The following PLEKHA5 variants were observed in gnomAD, a reference collection of about 807,000 sequenced individuals.
PLEKHA5 encodes the protein pleckstrin homology domain containing A5, also known as pleckstrin homology domain-containing family A member 5.
In PLEKHA5, 55 loss-of-function variants were observed where a neutral mutation model predicts 181.9. That is an observed-to-expected ratio of 0.30 (90% CI 0.24 to 0.38). PLEKHA5 has a LOEUF of 0.38. Ranked by LOEUF, PLEKHA5 falls within the 10% of genes least tolerant of loss-of-function variation. PLEKHA5 has a pLI of 1.00. For synonymous variants in PLEKHA5, 535 were observed against 529.4 expected (o/e 1.01, Z -0.15); for missense variants, 1,432 against 1,549.5 (o/e 0.92, Z 1.27).
intron 11 of PLEKHA5, among the ~76,000 whole-genome samples, chr12:19,275,740 C>T (rs929511972): frequency 3.3e-5 from 5 of 151,726 alleles, no homozygotes; most frequent in African/African-American, 7.3e-5. Context: ...TGCACTCCAG[C>T]GTGGCAGCAC....
At chr12:19,173,001 CTTTCTTTTTT>C (rs2046295361) in intron 3 of PLEKHA5, among the ~76,000 whole-genome samples, 1 of 35,068 alleles carries the variant, frequency 2.9e-5, no homozygotes, top group African/African-American at 6.5e-5. Context: ...ACTGATTTCC[CTTTCTTTTTT>C]TTTTTTTTTT....
intron 3 of PLEKHA5, among the ~76,000 whole-genome samples, chr12:19,244,774 A>G (rs1175813908): frequency 2.0e-5 from 3 of 152,230 alleles, no homozygotes; most frequent in Non-Finnish European, 4.4e-5. Context: ...CGATATTACC[A>G]TGGTTACATA....
At chr12:19,330,783 T>A (rs1404904027) in intron 20 of PLEKHA5, among the ~76,000 whole-genome samples, 1 of 152,116 alleles carries the variant, frequency 6.6e-6, no homozygotes, top group Non-Finnish European at 1.5e-5. Flanking sequence ...AACATTTTAA[T>A]TTTTTTGCCT....
chr12:19,304,199 G>A (rs896944005), intron 15 of PLEKHA5, among the ~76,000 whole-genome samples: 3 of 151,920 alleles, frequency 2.0e-5, no homozygotes, highest in Non-Finnish European at 4.4e-5. Flanking sequence ...GAGGTCAGGC[G>A]TTCAAGACCA....
rs1421522518 is a variant in PLEKHA5, at chr12:19,332,077, G to A, written c.2449-4438G>A. Among the ~76,000 whole-genome samples, 4 of 152,058 alleles carry A rather than the reference G, an allele frequency of 2.6e-5. No homozygotes were observed. In the East Asian group the frequency reaches 5.8e-4, roughly 22 times the overall value. ...CTTTGGAAAGATTGCTTGAGCCCAG[G>A]AGTTCAAGACCAGCCTGAGCAACAT... On this transcript the variant is annotated intron_variant, in intron 20 of 31. Coordinates refer to ENST00000429027, the MANE Select transcript of PLEKHA5 (RefSeq NM_001256470.2).
At chr12:19,330,786 T>C (rs2092762911) in intron 20 of PLEKHA5, among the ~76,000 whole-genome samples, 1 of 152,162 alleles carries the variant, frequency 6.6e-6, no homozygotes, top group Non-Finnish European at 1.5e-5. Context: ...ATTTTAATTT[T>C]TTTGCCTGAT....
chr12:19,302,066 T>C (rs544097163), intron 15 of PLEKHA5, among the ~76,000 whole-genome samples: 15 of 152,336 alleles, frequency 9.8e-5, no homozygotes, highest in African/African-American at 3.6e-4. Flanking sequence ...CTTATTGATG[T>C]AGACACAGAA....
intron 14 of PLEKHA5, 79 bp from the exon 15 acceptor site, chr12:19,291,565 T>C (rs1341232348): frequency 1.2e-5 from 10 of 824,072 alleles, no homozygotes; most frequent in Middle Eastern, 4.5e-4. Flanking sequence ...TTACCTGTTT[T>C]TCTTATTCCA....
intron 6 of PLEKHA5, among the ~76,000 whole-genome samples, chr12:19,259,196 T>TA (rs1029191745): frequency 1.5e-3 from 229 of 148,878 alleles, no homozygotes; most frequent in Middle Eastern, 3.5e-3. Context: ...ATCTCTACTT[T>TA]AAAAAAAAAC....
chr12:19,326,415 C>T (rs986717834), intron 20 of PLEKHA5, among the ~76,000 whole-genome samples: 3 of 152,078 alleles, frequency 2.0e-5, no homozygotes, highest in African/African-American at 7.2e-5. Context: ...AGCACTAGTT[C>T]AAATCTAAGC....
At position 19,197,522 on chromosome 12, in the gene PLEKHA5, C is replaced by A. The variant is rs1206444483; in HGVS notation, c.228-56418C>A. 5.3e-5 allele frequency among the ~76,000 whole-genome samples: 8 copies of A among 152,228 alleles called. No individual in the cohort carries two copies. In the East Asian group the frequency reaches 1.4e-3, roughly 26 times the overall value. On this transcript the variant is annotated intron_variant, in intron 3 of 31. Transcript: ENST00000429027. Reference sequence around the variant, plus strand: ...TCTGCTTTTTCTTTCATAGCACTTACCACTTTCTAATGTACTACATCGTTT... The same window carrying A: ...TCTGCTTTTTCTTTCATAGCACTTAACACTTTCTAATGTACTACATCGTTT...
chr12:19,189,738 G>C (rs1298329011), intron 3 of PLEKHA5, among the ~76,000 whole-genome samples: 1 of 152,124 alleles, frequency 6.6e-6, no homozygotes, highest in Non-Finnish European at 1.5e-5. Context: ...TAAACAGACT[G>C]CTCTCAAGTC....
chr12:19,352,624 A>G (rs1427058622), intron 25 of PLEKHA5, among the ~76,000 whole-genome samples: 1 of 143,292 alleles, frequency 7.0e-6, no homozygotes, highest in Non-Finnish European at 1.5e-5. Flanking sequence ...TGTGTTGAGC[A>G]GGCTGGTCTC....
chr12:19,345,989 T>A, intron 23 of PLEKHA5, 101 bp downstream of exon 23: 1 of 601,396 alleles, frequency 1.7e-6, no homozygotes, highest in Non-Finnish European at 2.9e-6. Context: ...AAATATTTTT[T>A]AAATATATTG....
rs1160616863 is a variant in PLEKHA5, at chr12:19,314,729, A to G, written c.2038-85A>G. 10 of 741,114 alleles carry G rather than the reference A, an allele frequency of 1.3e-5. No individual in the cohort carries two copies. The Admixed American group carries it at 1.4e-4, about 10-fold the overall frequency. 45.9% of individuals were successfully genotyped at this position (741,114 alleles called of 1,614,324 possible). A position where few individuals can be genotyped will look rare whatever the true frequency, so the allele number is the denominator to read the frequency against. On this transcript the variant is annotated intron_variant, in intron 15 of 31. Coordinates refer to ENST00000429027, the MANE Select transcript of PLEKHA5 (RefSeq NM_001256470.2). Reference sequence around the variant, plus strand: ...TGCACTATTAGGAAGATATTAAAGTAGAGGCTATATTTACAGTGTCGTCTT... The same window carrying G: ...TGCACTATTAGGAAGATATTAAAGTGGAGGCTATATTTACAGTGTCGTCTT...
At chr12:19,246,614 CAA>C (rs71440397) in intron 3 of PLEKHA5, among the ~76,000 whole-genome samples, 17 of 96,626 alleles carry the variant, frequency 1.8e-4, no homozygotes, top group Admixed American at 2.0e-4. Context: ...AGAGCAAGAC[CAA>C]AAAAAAAAAA....
chr12:19,239,112 A>T (rs1050825384), intron 3 of PLEKHA5, among the ~76,000 whole-genome samples: 2 of 152,174 alleles, frequency 1.3e-5, no homozygotes, highest in Non-Finnish European at 2.9e-5. Flanking sequence ...CGTTGTATAT[A>T]TAGGATGCTT....
At chr12:19,351,188 A>G (rs1365120101) in intron 25 of PLEKHA5, among the ~76,000 whole-genome samples, 1 of 151,898 alleles carries the variant, frequency 6.6e-6, no homozygotes, top group African/African-American at 2.4e-5. Context: ...TGCCTGCCTC[A>G]GCCTCCCAGA....
At position 19,218,906 on chromosome 12, in the gene PLEKHA5, ATT is replaced by A. The variant is rs34616084; in HGVS notation, c.228-35024_228-35023del. On this transcript the variant is annotated intron_variant, in intron 3 of 31. Transcript: ENST00000429027. ...AAGGCCACAAATAATTATTATTATTATTTTTTTTTTTACTTTTTAATTTTCTT... is the reference window on the plus strand; with the variant it reads ...AAGGCCACAAATAATTATTATTATTATTTTTTTTTACTTTTTAATTTTCTT... 9.9e-4 allele frequency among the ~76,000 whole-genome samples: 132 copies of A among 132,864 alleles called. 1 individual carries two copies. In the East Asian group the frequency reaches 0.021, roughly 22 times the overall value. 87.2% of individuals were successfully genotyped at this position (132,864 alleles called of 152,430 possible).
Sources: allele counts gnomAD v4.1 joint callset (sites outside exome capture counted in the v4.1 genomes callset), GRCh38; gene constraint gnomAD v4.1.1; transcripts MANE v1.5; gene names NCBI Gene and HGNC (gene_info 2026-07-23, HGNC 2026-07-21).